The following C3 variants were observed in gnomAD, a reference collection of about 807,000 sequenced individuals.
C3 encodes C3 and PZP-like alpha-2-macroglobulin domain-containing protein 1.
In C3, 97 loss-of-function variants were observed where a neutral mutation model predicts 207.9. The observed-to-expected ratio is 0.47, with a 90% CI of 0.40 to 0.55. The LOEUF (loss-of-function observed/expected upper bound fraction) is 0.55. Among genes scored for constraint, C3 ranks in the 20% least tolerant of loss-of-function variants. The pLI is 0.00. For missense variants in C3, 1,684 were observed against 2,171.7 expected (o/e 0.78, Z 4.46); for synonymous variants, 848 against 857.6 (o/e 0.99, Z 0.20).
intron 4 of C3, 100 bp from the exon 5 acceptor site, chr19:6,714,546 G>T: frequency 1.2e-6 from 1 of 843,282 alleles, no homozygotes; most frequent in Non-Finnish European, 2.0e-6. Context: ...CATTCTCTGT[G>T]CACAGTGTCT....
rs1315171032 is a variant in C3, at chr19:6,697,465, G to A, written c.2675C>T (p.Ser892Phe). Reference sequence around the variant, plus strand: ...GATGACATATGGAACGGACAACGAGGACTTGGGGGGGATGGTTACGGTCTG... The same window carrying A: ...GATGACATATGGAACGGACAACGAGAACTTGGGGGGGATGGTTACGGTCTG... ...HQQTVTIPPK[S>F]SLSVPYVIVP... Residue 892 changes from serine (S) to phenylalanine (F), a missense_variant, in exon 21 of 41, where the codon TCC (serine) becomes TTC (phenylalanine). Coordinates refer to ENST00000245907, the MANE Select transcript of C3 (RefSeq NM_000064.4). 1 of 1,613,950 alleles carries A rather than the reference G, an allele frequency of 6.2e-7. No individual in the cohort carries two copies. Among genetic ancestry groups the A allele is most frequent in the South Asian group, 1.1e-5 (1 of 91,054 alleles).
intron 36 of C3, 30 bp from the exon 37 acceptor site, chr19:6,679,526 G>A: frequency 6.7e-7 from 1 of 1,482,604 alleles, no homozygotes; most frequent in Non-Finnish European, 9.4e-7. Context: ...GAAGATGAGA[G>A]GATAAGGGCC....
In C3 at chr19:6,710,777, C is replaced by A. The variant is rs1437443386; in HGVS notation, c.1548G>T (p.Val516=). ...QVREPGQDLV[V]LPLSITTDFI... ...AGTCGGTGGTGATGGACAGGGGCAGCACCACCAGGTCCTGGCCGGGCTCTC... is the reference window on the plus strand; with the variant it reads ...AGTCGGTGGTGATGGACAGGGGCAGAACCACCAGGTCCTGGCCGGGCTCTC... The change falls in exon 13 of 41, where the codon GTG becomes GTT. Residue 516 remains valine (V), a synonymous_variant. Transcript: ENST00000245907. The A allele has an allele frequency of 2.5e-6, 4 of 1,613,878 alleles. No individual in the cohort carries two copies. The highest frequency in any genetic ancestry group is 3.4e-6 in the Non-Finnish European group (4 of 1,180,010).
chr19:6,684,612 G>A lies in C3; in HGVS notation c.4068C>T (p.Leu1356=). 1 of 1,614,122 alleles carries A rather than the reference G, an allele frequency of 6.2e-7. No homozygotes were observed. Among genetic ancestry groups the A allele is most frequent in the South Asian group, 1.1e-5 (1 of 91,078 alleles). The change falls in exon 32 of 41, where the codon CTC becomes CTT. Residue 1356 remains leucine (L), a synonymous_variant. Transcript: ENST00000245907. ...TMYHAKAKDQ[L]TCNKFDLKVT... The stretch of plus-strand genomic sequence containing the variant: ...CCTTGAGGTCGAATTTATTACAGGT[G>A]AGTTGATCTTTGGCCTTAGCATGGT...
In C3 at chr19:6,693,429, T is replaced by A. The variant is rs1244701309; in HGVS notation, c.3213A>T (p.Lys1071Asn). 1.9e-6 allele frequency: 3 copies of A among 1,611,242 alleles called. No homozygotes were observed. The highest frequency in any genetic ancestry group is 2.5e-6 in the Non-Finnish European group (3 of 1,179,200). Residue 1071 changes from lysine to asparagine, a missense_variant, in exon 25 of 41, where the codon AAA becomes AAT. Physicochemically the swap from Lys to Asn is moderately conservative, Grantham distance 94. Transcript: ENST00000245907. ...GGACTCACCAGGTGCTGGGTGCCCG[T>A]TTCACGAAGGCCGCAAAGGCAGAGC... ...QPSSAFAAFV[K>N]RAPSTWLTAY...
chr19:6,707,039 C>T, intron 17 of C3, 37 bp downstream of exon 17: 1 of 1,474,994 alleles, frequency 6.8e-7, no homozygotes, highest in Non-Finnish European at 9.3e-7. Context: ...CCCCATCAGA[C>T]GGCCCCCTCC....
Position 6,718,078 on chromosome 19 carries a change from C to A in C3, c.504+16G>T, listed in dbSNP as rs1436815422. 4 of 1,613,768 alleles carry A rather than the reference C, an allele frequency of 2.5e-6. No individual in the cohort carries two copies. The highest frequency in any genetic ancestry group is 2.2e-5 in the East Asian group (1 of 44,890). On this transcript the variant is annotated intron_variant, in intron 4 of 40. Transcript: ENST00000245907. ...CCTGTGCCCCTGCTTCCCCTGGGGC[C>A]CCCTCTGGCTGGCACCTCAATGTTG... is the stretch of plus-strand genomic sequence containing the variant.
At chr19:6,689,586 C>T (rs1038112151) in intron 27 of C3, among the ~76,000 whole-genome samples, 1 of 152,088 alleles carries the variant, frequency 6.6e-6, no homozygotes, top group Non-Finnish European at 1.5e-5. Context: ...TGACTCACGC[C>T]TGTAATCCGA....
chr19:6,714,107 G>A (rs1187343961), intron 6 of C3, 25 bp from the exon 7 acceptor site: 1 of 1,610,334 alleles, frequency 6.2e-7, no homozygotes, highest in African/African-American at 1.3e-5. Flanking sequence ...GCGTTGGTGG[G>A]GCCGGCGCTG....
In C3 at chr19:6,707,091, G is replaced by T; in HGVS notation, c.2230C>A (p.Leu744Met). Residue 744 changes from leucine (L) to methionine (M), a missense_variant, in exon 17 of 41, where the codon CTG becomes ATG. Coordinates refer to ENST00000245907, the MANE Select transcript of C3 (RefSeq NM_000064.4). Reference sequence around the variant, plus strand: ...TGGGACCTACTCCTGGCCAGGCCCAGGTGGCTGGCCCGCGCGTGCTGCCGC... The same window carrying T: ...TGGGACCTACTCCTGGCCAGGCCCATGTGGCTGGCCCGCGCGTGCTGCCGC... ...LRRQHARASH[L>M]GLARSNLDED... 1 of 1,592,972 alleles carries T rather than the reference G, an allele frequency of 6.3e-7. No individual in the cohort carries two copies. Among genetic ancestry groups the T allele is most frequent in the Non-Finnish European group, 8.6e-7 (1 of 1,167,866 alleles).
At chr19:6,685,571 AC>A (rs1373804796) in intron 29 of C3, among the ~76,000 whole-genome samples, 1 of 152,178 alleles carries the variant, frequency 6.6e-6, no homozygotes, top group Non-Finnish European at 1.5e-5. Context: ...CAAGAGTGAC[AC>A]TGTAACACTG....
At chr19:6,720,426 C>A in intron 1 of C3, 90 bp downstream of exon 1, 1 of 911,872 alleles carries the variant, frequency 1.1e-6, no homozygotes, top group Non-Finnish European at 1.8e-6. Flanking sequence ...CACCCAAATG[C>A]ACCCTGAATT....
intron 27 of C3, among the ~76,000 whole-genome samples, chr19:6,688,931 G>T (rs1180511721): frequency 6.6e-6 from 1 of 152,104 alleles, no homozygotes; most frequent in African/African-American, 2.4e-5. Flanking sequence ...GTCCTTTCCT[G>T]GGAATATGGC....
intron 18 of C3, 120 bp from the exon 19 acceptor site, chr19:6,702,332 A>G (rs1967694272): frequency 1.1e-6 from 1 of 932,870 alleles, no homozygotes. Context: ...GCCTCCATGT[A>G]GGTCACCCAA....
In C3 at chr19:6,693,432, C is replaced by T. The variant is rs751708150; in HGVS notation, c.3210G>A (p.Val1070=). 16 of 1,611,628 alleles carry T rather than the reference C, an allele frequency of 9.9e-6. No individual in the cohort carries two copies. The South Asian group carries it at 1.8e-4, about 18-fold the overall frequency. Residue 1070 remains valine, a synonymous_variant, in exon 25 of 41, where the codon GTG becomes GTA. Coordinates refer to ENST00000245907, the MANE Select transcript of C3 (RefSeq NM_000064.4). The part of the protein sequence containing the change: ...RQPSSAFAAF[V]KRAPSTWLTA... ...CTCACCAGGTGCTGGGTGCCCGTTT[C>T]ACGAAGGCCGCAAAGGCAGAGCTGG...
At chr19:6,699,984 A>C (rs1443402345) in intron 19 of C3, among the ~76,000 whole-genome samples, 2 of 148,962 alleles carry the variant, frequency 1.3e-5, no homozygotes, top group Non-Finnish European at 3.0e-5. Flanking sequence ...TAAAATATAC[A>C]TTATATATGT....
chr19:6,683,425 A>G (rs1380455360), intron 33 of C3: 1 of 136,550 alleles, frequency 7.3e-6, no homozygotes, highest in East Asian at 2.1e-4. Flanking sequence ...ATTTCCCTGT[A>G]TCTTTATTTT....
chr19:6,695,042 G>C lies in C3; in HGVS notation c.2951-408C>G, dbSNP rs147770425. 1.3e-3 allele frequency among the ~76,000 whole-genome samples: 200 copies of C among 152,084 alleles called. 3 individuals carry two copies. In the East Asian group the frequency reaches 0.035, roughly 26 times the overall value. Reference sequence around the variant, plus strand: ...TCTCAGCACTTTGGGAGGCTGGGGTGGGTGGATCACCTGAGGTCAGGAGTT... The same window carrying C: ...TCTCAGCACTTTGGGAGGCTGGGGTCGGTGGATCACCTGAGGTCAGGAGTT... On this transcript the variant is annotated intron_variant, in intron 23 of 40. Transcript: ENST00000245907.
rs1968120520 is a variant in C3, at chr19:6,719,501, T to C, written c.75-98A>G. On this transcript the variant is annotated intron_variant, in intron 1 of 40. Transcript: ENST00000245907. The surrounding 1 kb of genome is among the most constrained non-coding windows in gnomAD (Gnocchi z 5.4). Reference sequence around the variant, plus strand: ...GCCTGGCAGGCTGTGTGCCCCAGCCTCTGGTCCTGGAGAGGATCCAGTGAC... The same window carrying C: ...GCCTGGCAGGCTGTGTGCCCCAGCCCCTGGTCCTGGAGAGGATCCAGTGAC... 6 of 1,127,152 alleles carry C rather than the reference T, an allele frequency of 5.3e-6. No homozygotes were observed. The highest frequency in any genetic ancestry group is 4.6e-5 in the African/African-American group (3 of 65,612). 69.8% of individuals were successfully genotyped at this position (1,127,152 alleles called of 1,614,324 possible). A position where few individuals can be genotyped will look rare whatever the true frequency, so the allele number is the denominator to read the frequency against.
Sources: allele counts gnomAD v4.1 joint callset (sites outside exome capture counted in the v4.1 genomes callset), GRCh38; gene constraint gnomAD v4.1.1; non-coding constraint Gnocchi (gnomAD v3.1); transcripts MANE v1.5; gene names NCBI Gene and HGNC (gene_info 2026-07-23, HGNC 2026-07-21).